GUCY1A2: variants seen among roughly 807,000 people sequenced by gnomAD.
GUCY1A2 encodes guanylate cyclase soluble subunit alpha-2.
Under a neutral mutation model 63.5 loss-of-function variants are expected in GUCY1A2, and 27 were observed. The observed-to-expected ratio is 0.43, with a 90% CI of 0.31 to 0.59. The LOEUF is 0.59. Ranked by LOEUF, GUCY1A2 falls within the 20% of genes least tolerant of loss-of-function variation. The pLI, the probability that GUCY1A2 is intolerant of heterozygous loss-of-function variation, is 0.11. For synonymous variants in GUCY1A2, 364 were observed against 343.5 expected, an observed-to-expected ratio of 1.06 and a Z score of -0.66; for missense variants, 768 against 913.3, an observed-to-expected ratio of 0.84 and a Z score of 2.05.
intron 4 of GUCY1A2, among the ~76,000 whole-genome samples, chr11:106,863,832 C>T (rs114154977): frequency 0.013 from 2,001 of 152,174 alleles, 44 homozygotes; most frequent in African/African-American, 0.046. Context: ...TGTAGTTCTC[C>T]TTGAAATGGT....
intron 4 of GUCY1A2, among the ~76,000 whole-genome samples, chr11:106,937,091 G>A (rs1056416549): frequency 6.6e-6 from 1 of 152,026 alleles, no homozygotes; most frequent in African/African-American, 2.4e-5. Flanking sequence ...ACTGACCATA[G>A]TATCAATTTG....
rs1858743299 is a variant in GUCY1A2 at position 106,810,050 on chromosome 11, C to G, written c.1635G>C (p.Met545Ile). The stretch of plus-strand genomic sequence containing the variant: ...CAAATCTGGTGTACAGTTCATTCAG[C>G]ATGCTGATTACTTGCATGGGAGTAC... ...AQCTPMQVISMLNELYTRFDH... is the reference protein window; with the variant it reads ...AQCTPMQVISILNELYTRFDH... The change falls in exon 5 of 8, where the codon ATG becomes ATC. Residue 545 changes from methionine (M) to isoleucine (I), a missense_variant. Around this residue, in one of 3 missense-constraint regions of GUCY1A2, gnomAD observed 122 missense variants for 238.1 expected, o/e 0.51. Transcript: ENST00000526355. The G allele has an allele frequency of 6.2e-7, 1 of 1,612,438 alleles. No homozygotes were observed. The highest frequency in any genetic ancestry group is 8.5e-7 in the Non-Finnish European group (1 of 1,178,550).
chr11:107,014,079 CTTTTTTTTT>C (rs71044206), intron 1 of GUCY1A2, among the ~76,000 whole-genome samples: 10 of 70,020 alleles, frequency 1.4e-4, no homozygotes, highest in East Asian at 1.4e-3. Flanking sequence ...CCATGTTTTC[CTTTTTTTTT>C]TTTTTTTTTT....
At chr11:106,724,524 C>A (rs1280035069) in intron 6 of GUCY1A2, among the ~76,000 whole-genome samples, 2 of 152,190 alleles carry the variant, frequency 1.3e-5, no homozygotes, top group Non-Finnish European at 2.9e-5. Flanking sequence ...CTGTGGCTCT[C>A]TTGCTCTTGA....
chr11:106,878,808 T>C (rs1859786537), intron 4 of GUCY1A2, among the ~76,000 whole-genome samples: 1 of 147,778 alleles, frequency 6.8e-6, no homozygotes, highest in Non-Finnish European at 1.5e-5. Flanking sequence ...AAAGAAGAAG[T>C]TGGAAAGGGG....
chr11:106,827,611 C>G, intron 4 of GUCY1A2: 1 of 1,511,112 alleles, frequency 6.6e-7, no homozygotes, highest in Middle Eastern at 1.7e-4. Flanking sequence ...ATGCAGTGTT[C>G]TTCACTCTTC....
chr11:106,752,520 C>T (rs927952146), intron 6 of GUCY1A2, among the ~76,000 whole-genome samples: 2 of 151,874 alleles, frequency 1.3e-5, no homozygotes, highest in African/African-American at 4.8e-5. Context: ...CAAGCCCCGA[C>T]CCCCCAGCAG....
At chr11:106,860,953 T>A (rs1309548771) in intron 4 of GUCY1A2, among the ~76,000 whole-genome samples, 1 of 151,954 alleles carries the variant, frequency 6.6e-6, no homozygotes, top group Non-Finnish European at 1.5e-5. Context: ...GCTCTACTCT[T>A]CCTGTTATAA....
At chr11:106,699,493 C>G (rs917636099) in intron 7 of GUCY1A2, among the ~76,000 whole-genome samples, 1 of 152,142 alleles carries the variant, frequency 6.6e-6, no homozygotes, top group African/African-American at 2.4e-5. Context: ...CAAGGAAATT[C>G]TTTCTGTGTG....
intron 4 of GUCY1A2, among the ~76,000 whole-genome samples, chr11:106,845,202 T>C (rs10502078): frequency 0.27 from 40,343 of 151,146 alleles, 5,448 homozygotes; most frequent in Middle Eastern, 0.33. Context: ...GGAAAGCAAA[T>C]GGCTTATGTT....
intron 6 of GUCY1A2, among the ~76,000 whole-genome samples, chr11:106,757,870 C>G (rs1864001134): frequency 6.6e-6 from 1 of 152,186 alleles, no homozygotes; most frequent in Non-Finnish European, 1.5e-5. Context: ...GTTAACAGAG[C>G]TCGAATGTGG....
intron 5 of GUCY1A2, among the ~76,000 whole-genome samples, chr11:106,804,382 G>C (rs945720064): frequency 6.6e-6 from 1 of 152,160 alleles, no homozygotes; most frequent in Non-Finnish European, 1.5e-5. Flanking sequence ...AAATGAAGCA[G>C]TTACTCTTTA....
intron 6 of GUCY1A2, 52 bp from the exon 7 acceptor site, chr11:106,708,718 C>G: frequency 2.3e-6 from 3 of 1,283,018 alleles, no homozygotes; most frequent in Non-Finnish European, 3.2e-6. Flanking sequence ...ATTTGGTATG[C>G]AATTATTTTA....
intron 1 of GUCY1A2, among the ~76,000 whole-genome samples, chr11:106,991,033 A>T (rs532315737): frequency 6.6e-6 from 1 of 152,308 alleles, no homozygotes; most frequent in Admixed American, 6.5e-5. Context: ...TCTGTCGCCC[A>T]AGCTGGAGTG....
chr11:106,988,398 T>C (rs1306632930), intron 1 of GUCY1A2, among the ~76,000 whole-genome samples: 1 of 152,048 alleles, frequency 6.6e-6, no homozygotes, highest in African/African-American at 2.4e-5. Flanking sequence ...TCATAAAACA[T>C]GGAACAGAAA....
At chr11:107,004,703 A>T (rs1249244592) in intron 1 of GUCY1A2, among the ~76,000 whole-genome samples, 1 of 152,202 alleles carries the variant, frequency 6.6e-6, no homozygotes, top group East Asian at 1.9e-4. Flanking sequence ...AAGAATAAAC[A>T]AACAGTGATG....
intron 4 of GUCY1A2, among the ~76,000 whole-genome samples, chr11:106,922,561 T>C (rs1440379561): frequency 6.7e-6 from 1 of 149,740 alleles, no homozygotes; most frequent in African/African-American, 2.4e-5. Flanking sequence ...TATATATATA[T>C]ATATGTTTTT....
intron 4 of GUCY1A2, among the ~76,000 whole-genome samples, chr11:106,892,006 T>A (rs1859981480): frequency 6.6e-6 from 1 of 152,066 alleles, no homozygotes; most frequent in South Asian, 2.1e-4. Flanking sequence ...AATGACAGTT[T>A]TTAAATCCAT....
intron 4 of GUCY1A2, among the ~76,000 whole-genome samples, chr11:106,829,369 A>G (rs992835774): frequency 6.6e-6 from 1 of 152,140 alleles, no homozygotes; most frequent in Non-Finnish European, 1.5e-5. Context: ...AGATGAAAAG[A>G]GTGAGACTTT....
Sources: gnomAD v4.1 joint callset for allele counts (sites outside exome capture counted in the v4.1 genomes callset) on GRCh38, gnomAD v4.1.1 for gene constraint, gnomAD v4.1.1 regional missense constraint, MANE v1.5 for transcripts, NCBI Gene and HGNC (gene_info 2026-07-23, HGNC 2026-07-21) for gene names.